The following SLC25A48 variants were observed in gnomAD, a reference collection of about 807,000 sequenced individuals.
SLC25A48 encodes solute carrier family 25 member 48.
Under a neutral mutation model 32.2 loss-of-function variants are expected in SLC25A48, and 29 were observed. The observed-to-expected ratio is 0.90, with a 90% confidence interval of 0.67 to 1.23. SLC25A48 has a LOEUF of 1.23. Among genes scored for constraint, SLC25A48 ranks in the 50% most tolerant of loss-of-function variants. The pLI is 0.00. For missense variants in SLC25A48, 399 were observed against 422.7 expected, an observed-to-expected ratio of 0.94 and a Z score of 0.49; for synonymous variants, 164 against 172.3, an observed-to-expected ratio of 0.95 and a Z score of 0.38.
chr5:135,833,742 G>T (rs1023316314), upstream of SLC25A48, among the ~76,000 whole-genome samples: 1 of 152,190 alleles, frequency 6.6e-6, no homozygotes, highest in African/African-American at 2.4e-5. Context: ...CTGCAGGAAG[G>T]TCCCTTCACC....
chr5:135,682,475 A>G (rs759059363), intron 3 of SLC25A48, among the ~76,000 whole-genome samples: 14 of 152,152 alleles, frequency 9.2e-5, no homozygotes, highest in Non-Finnish European at 5.9e-5. Flanking sequence ...ATGTGTGATA[A>G]ATATATATGT....
chr5:135,877,504 C>A (rs977418709), intron 6 of SLC25A48, among the ~76,000 whole-genome samples: 2 of 152,182 alleles, frequency 1.3e-5, no homozygotes, highest in Non-Finnish European at 1.5e-5. Flanking sequence ...TCAGTTCAGA[C>A]GCTCTTCCTT....
At chr5:135,752,903 C>T (rs7380576) in intron 3 of SLC25A48, among the ~76,000 whole-genome samples, 107,715 of 151,852 alleles carry the variant, frequency 0.71, 39,639 homozygotes, top group Middle Eastern at 0.83. Flanking sequence ...ATGGATAATA[C>T]TACATGGTGT....
At chr5:135,879,727 C>G (rs1006824693) in intron 6 of SLC25A48, among the ~76,000 whole-genome samples, 1 of 151,702 alleles carries the variant, frequency 6.6e-6, no homozygotes, top group African/African-American at 2.4e-5. Flanking sequence ...AACAGCTTAC[C>G]TATAGTATTT....
intron 4 of SLC25A48, among the ~76,000 whole-genome samples, chr5:135,857,740 G>A (rs1760450378): frequency 1.3e-5 from 2 of 152,160 alleles, no homozygotes; most frequent in Middle Eastern, 3.2e-3. Flanking sequence ...GAGCAGGGTG[G>A]GAGAAGGGCT....
chr5:135,805,037 G>A (rs1320699011), intron 3 of SLC25A48, among the ~76,000 whole-genome samples: 1 of 150,956 alleles, frequency 6.6e-6, no homozygotes, highest in Non-Finnish European at 1.5e-5. Context: ...ATTATTCATA[G>A]TATCCTAGGA....
At chr5:135,724,265 T>C (rs1755036878) in intron 3 of SLC25A48, among the ~76,000 whole-genome samples, 1 of 152,238 alleles carries the variant, frequency 6.6e-6, no homozygotes, top group East Asian at 1.9e-4. Flanking sequence ...GCCACTGTTA[T>C]TGTCCTCAGT....
At chr5:135,799,203 A>G (rs1020260600) in intron 3 of SLC25A48, among the ~76,000 whole-genome samples, 1 of 151,762 alleles carries the variant, frequency 6.6e-6, no homozygotes, top group East Asian at 1.9e-4. Context: ...AGAGAATGCC[A>G]TTACTCCCAA....
intron 4 of SLC25A48, among the ~76,000 whole-genome samples, chr5:135,822,976 G>A (rs11743382): frequency 0.39 from 58,919 of 151,912 alleles, 12,785 homozygotes; most frequent in Non-Finnish European, 0.49. Flanking sequence ...GGAGGAGGGG[G>A]CCTGGTTCCT....
chr5:135,625,501 A>G (rs1398116482), intron 1 of SLC25A48, among the ~76,000 whole-genome samples: 1 of 152,100 alleles, frequency 6.6e-6, no homozygotes, highest in African/African-American at 2.4e-5. Flanking sequence ...CTGCACTCCC[A>G]CAGACTCTGT....
intron 3 of SLC25A48, among the ~76,000 whole-genome samples, chr5:135,729,824 A>G (rs4976307): frequency 0.41 from 62,486 of 152,074 alleles, 14,764 homozygotes; most frequent in Non-Finnish European, 0.53. Context: ...GTGTTAAAGT[A>G]ACTAGACATA....
intron 3 of SLC25A48, among the ~76,000 whole-genome samples, chr5:135,770,607 A>G (rs1350642141): frequency 6.6e-6 from 1 of 151,624 alleles, no homozygotes; most frequent in Non-Finnish European, 1.5e-5. Context: ...TGTTCCTAAT[A>G]TGCCAGTGGG....
intron 3 of SLC25A48, among the ~76,000 whole-genome samples, chr5:135,705,025 T>A (rs922294759): frequency 6.6e-5 from 10 of 152,180 alleles, no homozygotes; most frequent in African/African-American, 2.4e-4. Context: ...CCAGGAGACC[T>A]CTTGGCCAAG....
intron 3 of SLC25A48, among the ~76,000 whole-genome samples, chr5:135,793,406 CTT>C (rs1456926034): frequency 6.6e-6 from 1 of 151,640 alleles, no homozygotes; most frequent in African/African-American, 2.4e-5. Flanking sequence ...ATATTACTCT[CTT>C]AATGTTACAG....
At chr5:135,616,786 T>C (rs746579621) in intron 1 of SLC25A48, among the ~76,000 whole-genome samples, 1 of 152,190 alleles carries the variant, frequency 6.6e-6, no homozygotes, top group Non-Finnish European at 1.5e-5. Flanking sequence ...TGGAATGATA[T>C]GGTTTGGATT....
At chr5:135,758,543 C>G (rs1394669809) in intron 3 of SLC25A48, among the ~76,000 whole-genome samples, 2 of 150,742 alleles carry the variant, frequency 1.3e-5, no homozygotes, top group African/African-American at 2.4e-5. Context: ...TATCATACCT[C>G]TAGTGTTAAC....
intron 3 of SLC25A48, among the ~76,000 whole-genome samples, chr5:135,790,087 A>G (rs1390024443): frequency 2.0e-5 from 3 of 151,726 alleles, no homozygotes; most frequent in South Asian, 2.1e-4. Flanking sequence ...TGATATTAGG[A>G]GTAACATCTT....
At chr5:135,758,224 A>T (rs972670939) in intron 3 of SLC25A48, among the ~76,000 whole-genome samples, 1 of 150,854 alleles carries the variant, frequency 6.6e-6, no homozygotes, top group African/African-American at 2.4e-5. Flanking sequence ...TATTAATAGA[A>T]TATCTCTATG....
intron 4 of SLC25A48, among the ~76,000 whole-genome samples, chr5:135,818,882 A>AT (rs1368408213): frequency 1.3e-5 from 2 of 152,192 alleles, no homozygotes; most frequent in Admixed American, 1.3e-4. Flanking sequence ...AATAGCAACT[A>AT]TAAAAAAAAA....
Sources: gnomAD v4.1 joint callset for allele counts (sites outside exome capture counted in the v4.1 genomes callset) on GRCh38, gnomAD v4.1.1 for gene constraint, MANE v1.5 for transcripts, NCBI Gene and HGNC (gene_info 2026-07-23, HGNC 2026-07-21) for gene names.